Variants in PSD3 observed in about 807,000 individuals in gnomAD.
PSD3 encodes the protein pleckstrin and Sec7 domain containing 3.
Under a neutral mutation model 105.5 loss-of-function variants are expected in PSD3, and 49 were observed. The observed-to-expected ratio is 0.46, with a 90% CI of 0.37 to 0.59. The LOEUF (loss-of-function observed/expected upper bound fraction) is 0.59. Ranked by LOEUF, PSD3 falls within the 20% of genes least tolerant of loss-of-function variation. PSD3 has a pLI of 0.00. For missense variants in PSD3, 1,561 were observed against 1,263.8 expected, an observed-to-expected ratio of 1.24 and a Z score of -3.57; for synonymous variants, 557 against 457.8, an observed-to-expected ratio of 1.22 and a Z score of -2.77.
rs749086258 is a variant in PSD3 at position 18,556,336 on chromosome 8, G to A, written c.2801C>T (p.Ser934Leu). 23 of 1,611,856 alleles carry A rather than the reference G, an allele frequency of 1.4e-5. No homozygotes were observed. Among genetic ancestry groups the A allele is most frequent in the Non-Finnish European group, 1.8e-5 (21 of 1,179,380 alleles). ...TKLSQEEQLK[S>L]HESKLKQITT... The stretch of plus-strand genomic sequence containing the variant: ...GATCTGCTTCAGCTTACTTTCATGT[G>A]ACTTCAGTTGCTCCTCCTGCAGGAA... Residue 934 changes from serine (S) to leucine (L), a missense_variant, in exon 15 of 16, where the codon TCA (serine) becomes TTA (leucine). Physicochemically the swap from Ser to Leu is moderately radical, Grantham distance 145. Coordinates refer to ENST00000327040, the MANE Select transcript of PSD3 (RefSeq NM_015310.4).
chr8:18,826,506 T>C (rs4601359), intron 4 of PSD3, among the ~76,000 whole-genome samples: 5,650 of 152,318 alleles, frequency 0.037, 252 homozygotes, highest in African/African-American at 0.1. Flanking sequence ...TATTACCTTA[T>C]ATTCCCTGTG....
intron 1 of PSD3, among the ~76,000 whole-genome samples, chr8:18,996,158 C>G (rs1435341584): frequency 6.6e-6 from 1 of 151,988 alleles, no homozygotes; most frequent in Non-Finnish European, 1.5e-5. Context: ...TGGTTGCTAC[C>G]TGGAAACATG....
chr8:18,854,014 C>T (rs186420216), intron 4 of PSD3: 41 of 126,338 alleles, frequency 3.2e-4, no homozygotes, highest in African/African-American at 1.3e-3. Context: ...ATTTTCAAAT[C>T]CAAGGAAGTT....
At chr8:18,682,088 G>A (rs1270802367) in intron 9 of PSD3, among the ~76,000 whole-genome samples, 2 of 151,980 alleles carry the variant, frequency 1.3e-5, no homozygotes, top group African/African-American at 4.8e-5. Context: ...CAAACACAGA[G>A]GACAGTAGAG....
intron 15 of PSD3, among the ~76,000 whole-genome samples, chr8:18,536,376 A>G (rs1799847818): frequency 6.6e-6 from 1 of 152,178 alleles, no homozygotes; most frequent in African/African-American, 2.4e-5. Flanking sequence ...CCTCACAAGA[A>G]ACTGGCTTGG....
At chr8:18,786,318 G>A (rs1429388237) in intron 8 of PSD3, among the ~76,000 whole-genome samples, 1 of 152,054 alleles carries the variant, frequency 6.6e-6, no homozygotes, top group Non-Finnish European at 1.5e-5. Context: ...TGTTTTTTCA[G>A]GACACCATTA....
chr8:19,057,518 C>A (rs1309132993), intron 1 of PSD3, among the ~76,000 whole-genome samples: 1 of 152,122 alleles, frequency 6.6e-6, no homozygotes. Context: ...TTGGCTATAC[C>A]AGTTGTTAAA....
At chr8:18,634,964 AATT>A (rs1391614029) in intron 10 of PSD3, among the ~76,000 whole-genome samples, 2 of 152,138 alleles carry the variant, frequency 1.3e-5, no homozygotes, top group African/African-American at 4.8e-5. Context: ...ATCTTGTAAC[AATT>A]ATTATTACGG....
chr8:18,592,786 T>C (rs1177447493), intron 12 of PSD3, among the ~76,000 whole-genome samples: 1 of 151,988 alleles, frequency 6.6e-6, no homozygotes, highest in Non-Finnish European at 1.5e-5. Context: ...TATAGACCAA[T>C]GGAACAGAAC....
intron 1 of PSD3, among the ~76,000 whole-genome samples, chr8:19,047,173 C>T (rs1828349714): frequency 6.6e-6 from 1 of 152,216 alleles, no homozygotes; most frequent in African/African-American, 2.4e-5. Flanking sequence ...CAGAGAAATT[C>T]AGTGCCACTC....
intron 4 of PSD3, among the ~76,000 whole-genome samples, chr8:18,821,684 A>AACACACACGC (rs1554513428): frequency 7.6e-6 from 1 of 131,398 alleles, no homozygotes; most frequent in East Asian, 2.3e-4. Flanking sequence ...TGACCCCCAC[A>AACACACACGC]ACACACACAC....
At chr8:18,694,808 AC>A (rs1801172378) in intron 9 of PSD3, among the ~76,000 whole-genome samples, 1 of 127,122 alleles carries the variant, frequency 7.9e-6, no homozygotes, top group South Asian at 3.0e-4. Context: ...ACATAGTGAA[AC>A]CCTATCTCCA....
intron 4 of PSD3, among the ~76,000 whole-genome samples, chr8:18,866,054 AG>A (rs909146144): frequency 2.0e-4 from 30 of 152,156 alleles, no homozygotes; most frequent in African/African-American, 7.2e-4. Context: ...GAAGCCTCTT[AG>A]CCCAAAACTC....
chr8:18,752,868 C>G (rs1198615433), intron 9 of PSD3, among the ~76,000 whole-genome samples: 1 of 150,378 alleles, frequency 6.6e-6, no homozygotes, highest in Non-Finnish European at 1.5e-5. Flanking sequence ...AACAATGTAC[C>G]TGTCTTGCAT....
At chr8:18,831,700 C>T (rs1262815303) in intron 4 of PSD3, among the ~76,000 whole-genome samples, 1 of 151,962 alleles carries the variant, frequency 6.6e-6, no homozygotes, top group African/African-American at 2.4e-5. Flanking sequence ...CCAGCCTGGG[C>T]AACAAAGTGA....
At chr8:18,580,024 A>T (rs1309214420) in intron 12 of PSD3, among the ~76,000 whole-genome samples, 2 of 152,346 alleles carry the variant, frequency 1.3e-5, no homozygotes, top group Admixed American at 1.3e-4. Flanking sequence ...ATTGTCTATT[A>T]ATTCATGGTT....
At chr8:18,687,341 C>T (rs1195400562) in intron 9 of PSD3, among the ~76,000 whole-genome samples, 3 of 152,044 alleles carry the variant, frequency 2.0e-5, no homozygotes, top group Non-Finnish European at 4.4e-5. Context: ...TGATGAGCAC[C>T]TGTGGTCCTG....
chr8:18,547,339 C>T (rs1336381914), intron 15 of PSD3, among the ~76,000 whole-genome samples: 1 of 152,224 alleles, frequency 6.6e-6, no homozygotes, highest in Admixed American at 6.5e-5. Context: ...ACAGGCAGCT[C>T]CCCAAACTAG....
intron 1 of PSD3, among the ~76,000 whole-genome samples, chr8:18,973,295 C>T (rs1824754583): frequency 6.6e-6 from 1 of 152,216 alleles, no homozygotes; most frequent in Non-Finnish European, 1.5e-5. Flanking sequence ...GATTTGTCTG[C>T]TTAGGCTGCT....
Sources: gnomAD v4.1 joint callset for allele counts (sites outside exome capture counted in the v4.1 genomes callset) on GRCh38, gnomAD v4.1.1 for gene constraint, MANE v1.5 for transcripts, NCBI Gene and HGNC (gene_info 2026-07-23, HGNC 2026-07-21) for gene names.